The following C1QTNF3 variants were observed in gnomAD, a reference collection of about 807,000 sequenced individuals.
C1QTNF3 encodes the protein complement C1q tumor necrosis factor-related protein 3.
In C1QTNF3, 26 loss-of-function variants were observed where a neutral mutation model predicts 32.6. The observed-to-expected ratio is 0.80, with a 90% CI of 0.58 to 1.11. The LOEUF (loss-of-function observed/expected upper bound fraction) is 1.11, where lower values mean the gene tolerates loss of function less well. C1QTNF3 is among the 50% of genes least tolerant of loss of function. C1QTNF3 has a pLI of 0.00. For missense variants in C1QTNF3, 362 were observed against 398.2 expected, an observed-to-expected ratio of 0.91 and a Z score of 0.77; for synonymous variants, 155 against 146.0, an observed-to-expected ratio of 1.06 and a Z score of -0.44.
At chr5:34,219,542 T>C in the C1QTNF3 span, among the ~76,000 whole-genome samples, 1 of 151,542 alleles carries the variant, frequency 6.6e-6, no homozygotes. Flanking sequence ...CATGAACGAG[T>C]ACTTTTCAAG....
chr5:34,167,663 T>C, the C1QTNF3 span: 36 of 152,218 alleles, frequency 2.4e-4, no homozygotes, highest in African/African-American at 8.4e-4. Flanking sequence ...GGTAAGATTT[T>C]GTCTTCAGCT....
the C1QTNF3 span, among the ~76,000 whole-genome samples, chr5:34,049,754 C>T: frequency 6.6e-6 from 1 of 152,130 alleles, no homozygotes; most frequent in Non-Finnish European, 1.5e-5. Flanking sequence ...TTCCAAGAGT[C>T]GATATTGCAG....
At chr5:34,089,174 G>A in the C1QTNF3 span, among the ~76,000 whole-genome samples, 1 of 152,144 alleles carries the variant, frequency 6.6e-6, no homozygotes, top group Non-Finnish European at 1.5e-5. Flanking sequence ...AGCTGGTATC[G>A]CTCTAACAGG....
the C1QTNF3 span, among the ~76,000 whole-genome samples, chr5:34,070,982 C>T: frequency 6.6e-6 from 1 of 152,072 alleles, no homozygotes; most frequent in Admixed American, 6.6e-5. Context: ...CATTAGCTAT[C>T]GTAAATACAT....
At chr5:34,183,812 C>T in the C1QTNF3 span, among the ~76,000 whole-genome samples, 1 of 152,242 alleles carries the variant, frequency 6.6e-6, no homozygotes, top group East Asian at 1.9e-4. Flanking sequence ...GTAATATTTC[C>T]TAGATAAATA....
At chr5:34,062,877 C>A in the C1QTNF3 span, among the ~76,000 whole-genome samples, 8 of 152,212 alleles carry the variant, frequency 5.3e-5, no homozygotes, top group Non-Finnish European at 1.0e-4. Flanking sequence ...GCTTTTTTGA[C>A]TTAGAATAGT....
At chr5:34,141,209 C>T in the C1QTNF3 span, among the ~76,000 whole-genome samples, 4 of 152,042 alleles carry the variant, frequency 2.6e-5, no homozygotes, top group African/African-American at 9.7e-5. Flanking sequence ...AACTTCGCCT[C>T]CCAGGTTTAA....
intron 1 of C1QTNF3, among the ~76,000 whole-genome samples, chr5:34,037,862 G>T (rs1754779147): frequency 6.6e-6 from 1 of 152,184 alleles, no homozygotes; most frequent in South Asian, 2.1e-4. Flanking sequence ...GAGAAGGAAG[G>T]ATTCCATATT....
the C1QTNF3 span, among the ~76,000 whole-genome samples, chr5:34,176,920 T>C: frequency 6.6e-6 from 1 of 151,888 alleles, no homozygotes; most frequent in Non-Finnish European, 1.5e-5. Context: ...AGGCTGGGCA[T>C]GGTAGCTCAG....
chr5:34,137,055 G>T, the C1QTNF3 span, among the ~76,000 whole-genome samples: 4 of 151,592 alleles, frequency 2.6e-5, no homozygotes, highest in South Asian at 8.4e-4. Context: ...TAAATGACGA[G>T]TTGATGGGTG....
the C1QTNF3 span, among the ~76,000 whole-genome samples, chr5:34,056,454 GTATA>G: frequency 1.0e-4 from 5 of 48,962 alleles, 1 homozygote; most frequent in East Asian, 9.8e-4. Flanking sequence ...GTGTGTGTGT[GTATA>G]TATATATATA....
chr5:34,239,503 A>G, the C1QTNF3 span: 1 of 152,028 alleles, frequency 6.6e-6, no homozygotes, highest in African/African-American at 2.4e-5. Flanking sequence ...TATCAGATAA[A>G]ACAGACTTTA....
the C1QTNF3 span, among the ~76,000 whole-genome samples, chr5:34,207,275 G>GATAT: frequency 6.0e-3 from 829 of 138,970 alleles, no homozygotes; most frequent in South Asian, 8.7e-3. Context: ...TCAAATTTGA[G>GATAT]ATATATATAT....
At chr5:34,058,838 T>C in the C1QTNF3 span, among the ~76,000 whole-genome samples, 2 of 152,236 alleles carry the variant, frequency 1.3e-5, no homozygotes, top group Non-Finnish European at 2.9e-5. Flanking sequence ...TCAGTAAATC[T>C]GAGAGGACAC....
chr5:34,175,970 G>T, the C1QTNF3 span: 3 of 805,444 alleles, frequency 3.7e-6, no homozygotes, highest in Admixed American at 1.7e-5. Flanking sequence ...GGGAATCAAG[G>T]CAAAGAGAAG....
the C1QTNF3 span, among the ~76,000 whole-genome samples, chr5:34,212,658 T>G: frequency 0.022 from 3,307 of 150,966 alleles, 32 homozygotes; most frequent in Middle Eastern, 0.041. Context: ...GAAAAAATGC[T>G]CACCATCACT....
At chr5:34,069,134 C>CT in the C1QTNF3 span, among the ~76,000 whole-genome samples, 3 of 145,334 alleles carry the variant, frequency 2.1e-5, no homozygotes, top group African/African-American at 7.7e-5. Flanking sequence ...TAACTGCCTA[C>CT]TTTCCACTGG....
the C1QTNF3 span, among the ~76,000 whole-genome samples, chr5:34,225,593 T>A: frequency 3.3e-5 from 5 of 151,996 alleles, no homozygotes; most frequent in Non-Finnish European, 7.4e-5. Flanking sequence ...GACCCCTCTG[T>A]ACCTCTGAGT....
chr5:34,154,503 G>T, the C1QTNF3 span, among the ~76,000 whole-genome samples: 2 of 152,110 alleles, frequency 1.3e-5, no homozygotes, highest in Non-Finnish European at 2.9e-5. Flanking sequence ...AAAATGCTGA[G>T]AACTAGTTTT....
Sources: allele counts gnomAD v4.1 joint callset (sites outside exome capture counted in the v4.1 genomes callset), GRCh38; gene constraint gnomAD v4.1.1; transcripts MANE v1.5; gene names NCBI Gene and HGNC (gene_info 2026-07-23, HGNC 2026-07-21).